The following DLGAP1 variants were observed in gnomAD, a reference collection of about 807,000 sequenced individuals.
The protein encoded by DLGAP1 is DLG associated protein 1.
Under a neutral mutation model 90.8 loss-of-function variants are expected in DLGAP1, and 11 were observed. That is an observed-to-expected ratio of 0.12 (90% confidence interval 0.08 to 0.20). The LOEUF is 0.20. Among genes scored for constraint, DLGAP1 ranks in the 10% least tolerant of loss-of-function variants. DLGAP1 has a pLI of 1.00. For missense variants in DLGAP1, 1,050 were observed against 1,333.8 expected (o/e 0.79, Z 3.31); for synonymous variants, 558 against 540.7 (o/e 1.03, Z -0.44).
At chr18:3,924,948 A>C (rs1364566210) in intron 3 of DLGAP1, among the ~76,000 whole-genome samples, 3 of 151,938 alleles carry the variant, frequency 2.0e-5, no homozygotes, top group Non-Finnish European at 4.4e-5. Flanking sequence ...TATAAAAGTC[A>C]GTTTTTGTTG....
At chr18:3,691,388 C>T (rs369289402) in intron 7 of DLGAP1, among the ~76,000 whole-genome samples, 11 of 149,308 alleles carry the variant, frequency 7.4e-5, no homozygotes, top group African/African-American at 2.7e-4. Context: ...CATCGCGCCA[C>T]TGCATTCCAG....
At chr18:4,349,917 G>C (rs543820714) in intron 1 of DLGAP1, among the ~76,000 whole-genome samples, 1 of 152,108 alleles carries the variant, frequency 6.6e-6, no homozygotes, top group Admixed American at 6.6e-5. Flanking sequence ...CTTTATCATA[G>C]GTAGGTTTTA....
At chr18:4,296,910 C>A (rs2079995477) in intron 1 of DLGAP1, among the ~76,000 whole-genome samples, 1 of 152,120 alleles carries the variant, frequency 6.6e-6, no homozygotes, top group Non-Finnish European at 1.5e-5. Flanking sequence ...ATTTAAACTT[C>A]CAACATCTTT....
intron 2 of DLGAP1, among the ~76,000 whole-genome samples, chr18:4,137,914 G>A (rs900536984): frequency 6.6e-6 from 1 of 152,008 alleles, no homozygotes; most frequent in African/African-American, 2.4e-5. Context: ...TTTTCAGATT[G>A]TTTGCTGTTG....
At chr18:3,933,583 C>G (rs755517587) in intron 3 of DLGAP1, among the ~76,000 whole-genome samples, 1 of 152,182 alleles carries the variant, frequency 6.6e-6, no homozygotes, top group Non-Finnish European at 1.5e-5. Flanking sequence ...CATCTGAGAG[C>G]AGAAAAATAA....
At chr18:4,432,979 C>G (rs2083322442) in intron 1 of DLGAP1, among the ~76,000 whole-genome samples, 1 of 152,132 alleles carries the variant, frequency 6.6e-6, no homozygotes, top group Admixed American at 6.5e-5. Flanking sequence ...ATTTCCTTTC[C>G]TTTCCTGAGT....
chr18:3,854,288 T>C (rs942960651), intron 4 of DLGAP1, among the ~76,000 whole-genome samples: 1 of 152,212 alleles, frequency 6.6e-6, no homozygotes, highest in African/African-American at 2.4e-5. Context: ...TCTAGCCCTA[T>C]TCTGAACTTT....
intron 1 of DLGAP1, among the ~76,000 whole-genome samples, chr18:4,205,720 A>T (rs1466377075): frequency 6.6e-6 from 1 of 152,218 alleles, no homozygotes; most frequent in African/African-American, 2.4e-5. Context: ...CCACATTTCA[A>T]GTGCTCAATA....
chr18:3,900,375 G>A (rs955498853), intron 3 of DLGAP1, among the ~76,000 whole-genome samples: 1 of 152,208 alleles, frequency 6.6e-6, no homozygotes, highest in African/African-American at 2.4e-5. Context: ...ACAGATGTCT[G>A]TATTTCTGGG....
rs376476174 is a variant in DLGAP1 at position 4,027,008 on chromosome 18, A to G, written c.-158-21807T>C. Among the ~76,000 whole-genome samples the G allele has an allele frequency of 6.0e-4, 92 of 152,186 alleles. 1 individual carries two copies. In the South Asian group the frequency reaches 0.019, roughly 31 times the overall value. ...CCTGGGGAGAAGAGACAGGCTCCTT[A>G]CATCCTGGATTACCCTGACTCTACT... On this transcript the variant is annotated intron_variant, in intron 2 of 12. Transcript: ENST00000315677.
At chr18:4,428,165 T>C (rs2083198766) in intron 1 of DLGAP1, among the ~76,000 whole-genome samples, 2 of 152,198 alleles carry the variant, frequency 1.3e-5, no homozygotes, top group Non-Finnish European at 1.5e-5. Flanking sequence ...TCTCCAGTGT[T>C]GGTGGTGGGG....
chr18:3,942,930 T>C (rs982528062), intron 3 of DLGAP1, among the ~76,000 whole-genome samples: 1 of 152,134 alleles, frequency 6.6e-6, no homozygotes, highest in African/African-American at 2.4e-5. Context: ...GTGGGGTGGA[T>C]TCAGCCTGAG....
intron 2 of DLGAP1, among the ~76,000 whole-genome samples, chr18:4,033,771 G>A (rs1006650499): frequency 7.0e-6 from 1 of 142,770 alleles, no homozygotes; most frequent in Admixed American, 7.2e-5. Flanking sequence ...ACAGAGTCTC[G>A]CTCTGTCACC....
At chr18:4,003,743 T>C (rs752070233) in intron 3 of DLGAP1, among the ~76,000 whole-genome samples, 17 of 152,296 alleles carry the variant, frequency 1.1e-4, no homozygotes, top group Non-Finnish European at 1.9e-4. Flanking sequence ...AAGTGGATGC[T>C]GGAAATGACC....
At chr18:3,891,929 T>A (rs938303492) in intron 3 of DLGAP1, 1 of 151,802 alleles carries the variant, frequency 6.6e-6, no homozygotes, top group Non-Finnish European at 1.5e-5. Flanking sequence ...TTTGTAGAGA[T>A]GGGGGGTCTC....
chr18:4,352,763 G>A (rs944834098), intron 1 of DLGAP1, among the ~76,000 whole-genome samples: 1 of 151,974 alleles, frequency 6.6e-6, no homozygotes, highest in African/African-American at 2.4e-5. Flanking sequence ...ACACACTCAC[G>A]ACCAGTATTT....
Position 3,575,522 on chromosome 18 carries a change from C to T in DLGAP1, c.1965+6353G>A, listed in dbSNP as rs561189110. ...GAATTACTCTTGAGAGACTAAAAGA[C>T]AATGTAACCAACTGTTGCCAGGGGT... On this transcript the variant is annotated intron_variant, in intron 8 of 12. Transcript: ENST00000315677. 2.6e-5 allele frequency among the ~76,000 whole-genome samples: 4 copies of T among 152,194 alleles called. No individual in the cohort carries two copies. In the East Asian group the frequency reaches 5.8e-4, roughly 22 times the overall value.
chr18:4,318,005 GC>G (rs2080577682), intron 1 of DLGAP1, among the ~76,000 whole-genome samples: 1 of 151,940 alleles, frequency 6.6e-6, no homozygotes, highest in African/African-American at 2.4e-5. Flanking sequence ...GTACCATCAC[GC>G]CCAGATAATT....
chr18:4,043,903 A>T (rs2075012246), intron 2 of DLGAP1, among the ~76,000 whole-genome samples: 1 of 152,230 alleles, frequency 6.6e-6, no homozygotes. Context: ...AGTAAGAACT[A>T]TGTAGAGGGG....
Sources: gnomAD v4.1 joint callset for allele counts (sites outside exome capture counted in the v4.1 genomes callset) on GRCh38, gnomAD v4.1.1 for gene constraint, MANE v1.5 for transcripts, NCBI Gene and HGNC (gene_info 2026-07-23, HGNC 2026-07-21) for gene names.